The following OPN3 variants were observed in gnomAD, a reference collection of about 807,000 sequenced individuals.
OPN3 encodes the protein opsin 3, also known as opsin-3.
OPN3 carries 29 observed loss-of-function variants against 33.8 expected under a neutral mutation model. The observed-to-expected ratio is 0.86, with a 90% confidence interval of 0.64 to 1.17. OPN3 has a LOEUF of 1.17. Among genes scored for constraint, OPN3 ranks in the 50% most tolerant of loss-of-function variants. The pLI, the probability that OPN3 is intolerant of heterozygous loss-of-function variation, is 0.00. For missense variants in OPN3, 437 were observed against 514.1 expected (o/e 0.85, Z 1.45); for synonymous variants, 216 against 216.1 (o/e 1.00, Z 0.00).
rs756807943 is a variant in OPN3 at position 241,597,931 on chromosome 1, C to T, written c.760G>A (p.Ala254Thr). ...IKILKYEKKL[A>T]KMCFLMIFTF... ...AATATCATTAAAAAGCACATTTTGG[C>T]CAGTTTCTTTTCATATTTTAAAATC... Residue 254 changes from alanine (A) to threonine (T), a missense_variant, in exon 3 of 4, where the codon GCC becomes ACC. Ala to Thr is a moderately conservative substitution (Grantham distance 58). Transcript: ENST00000366554. The T allele has an allele frequency of 1.2e-6, 2 of 1,613,562 alleles. No individual in the cohort carries two copies. Among genetic ancestry groups the T allele is most frequent in the Non-Finnish European group, 8.5e-7 (1 of 1,179,900 alleles).
chr1:241,609,068 C>A (rs897824341), intron 1 of OPN3, among the ~76,000 whole-genome samples: 1 of 152,230 alleles, frequency 6.6e-6, no homozygotes, highest in Admixed American at 6.5e-5. Flanking sequence ...TGTCTTACAA[C>A]TACTTTAGAC....
At chr1:241,629,281 A>C (rs1386814560) in intron 1 of OPN3, 1 of 152,154 alleles carries the variant, frequency 6.6e-6, no homozygotes, top group Non-Finnish European at 1.5e-5. Flanking sequence ...TCAGTTATAA[A>C]GCCCTTTTTA....
In OPN3 at chr1:241,639,981, G is replaced by C; in HGVS notation, c.274C>G (p.Leu92Val). ...ACGAAGGTAAAGGTGACCCCGAAGA[G>C]GGACACCAGCAGGTCGCTGAGGCTG... Reference protein sequence around the residue: ...NISLSDLLVSLFGVTFTFVSC... With the variant: ...NISLSDLLVSVFGVTFTFVSC... The change falls in exon 1 of 4, where the codon CTC (leucine) becomes GTC (valine). Residue 92 changes from leucine to valine, a missense_variant. Leu to Val is a conservative substitution (Grantham distance 32). Coordinates refer to ENST00000366554, the MANE Select transcript of OPN3 (RefSeq NM_014322.3). 1 of 1,612,714 alleles carries C rather than the reference G, an allele frequency of 6.2e-7. No individual in the cohort carries two copies. The highest frequency in any genetic ancestry group is 1.1e-5 in the South Asian group (1 of 90,906).
intron 1 of OPN3, chr1:241,629,004 A>G (rs1664510416): frequency 6.6e-6 from 1 of 152,648 alleles, no homozygotes; most frequent in African/African-American, 2.4e-5. Flanking sequence ...ATGTATCAGT[A>G]AACACAATTT....
intron 1 of OPN3, among the ~76,000 whole-genome samples, chr1:241,612,605 T>A (rs969204692): frequency 1.3e-5 from 2 of 152,172 alleles, no homozygotes; most frequent in African/African-American, 4.8e-5. Flanking sequence ...CTCATAGCTG[T>A]TTGCCTCTTG....
At chr1:241,597,721 A>G (rs1242599745) in intron 3 of OPN3, 25 bp downstream of exon 3, 2 of 1,605,074 alleles carry the variant, frequency 1.2e-6, no homozygotes, top group African/African-American at 2.7e-5. Flanking sequence ...CAGGGTGAAA[A>G]CAATCAGTTA....
intron 2 of OPN3, among the ~76,000 whole-genome samples, chr1:241,602,578 C>T (rs1384802101): frequency 6.6e-6 from 1 of 152,160 alleles, no homozygotes; most frequent in South Asian, 2.1e-4. Context: ...TGACTGTTAT[C>T]TCACTGTGTG....
intron 1 of OPN3, among the ~76,000 whole-genome samples, chr1:241,628,114 A>T (rs896562691): frequency 6.6e-6 from 1 of 152,210 alleles, no homozygotes; most frequent in Non-Finnish European, 1.5e-5. Context: ...CCTGTTTTCA[A>T]CTGTGTAGTG....
At position 241,593,415 on chromosome 1, in the gene OPN3, A is replaced by G. The variant is rs1363245671; in HGVS notation, c.*1013T>C. The G allele has an allele frequency of 9.7e-6, 4 of 412,752 alleles. No homozygotes were observed. Among genetic ancestry groups the G allele is most frequent in the African/African-American group, 8.1e-5 (4 of 49,542 alleles). The allele number at this position is 412,752 out of a possible 1,614,324, so 25.6% of individuals were successfully genotyped here. A position where few individuals can be genotyped will look rare whatever the true frequency, so the allele number is the denominator to read the frequency against. On this transcript the variant is annotated 3_prime_UTR_variant, in exon 4 of 4. Coordinates refer to ENST00000366554, the MANE Select transcript of OPN3 (RefSeq NM_014322.3). ...AAACATGATTAATTATGAAGATGAAACACTAGAGTCATATAAGAAATAAAA... is the reference window on the plus strand; with the variant it reads ...AAACATGATTAATTATGAAGATGAAGCACTAGAGTCATATAAGAAATAAAA...
chr1:241,624,194 G>A (rs923128374), intron 1 of OPN3, among the ~76,000 whole-genome samples: 2 of 148,890 alleles, frequency 1.3e-5, no homozygotes, highest in African/African-American at 5.0e-5. Context: ...GCCAGGCCAG[G>A]CACTCTATGC....
rs578223672 is a variant in OPN3 at position 241,635,608 on chromosome 1, T to C, written c.373+4274A>G. 13 of 1,614,122 alleles carry C rather than the reference T, an allele frequency of 8.1e-6. 1 individual carries two copies. In the South Asian group the frequency reaches 1.4e-4, roughly 18 times the overall value. On this transcript the variant is annotated intron_variant, in intron 1 of 3. Coordinates refer to ENST00000366554, the MANE Select transcript of OPN3 (RefSeq NM_014322.3). ...ACTCCTTCAACCAGGATAGCAATCC[T>C]GAAAAGCTGAAACTAGCCCAGTTTC...
intron 1 of OPN3, among the ~76,000 whole-genome samples, chr1:241,624,238 GCCTCTCC>G (rs1664349443): frequency 8.2e-6 from 1 of 122,568 alleles, no homozygotes; most frequent in South Asian, 2.5e-4. Flanking sequence ...CACCTGTCCT[GCCTCTCC>G]ACGCCAGGCC....
intron 1 of OPN3, chr1:241,634,980 T>C (rs1335766096): frequency 1.2e-6 from 2 of 1,613,554 alleles, no homozygotes; most frequent in Non-Finnish European, 1.7e-6. Context: ...AGAATCCTAG[T>C]GACATTTTTA....
chr1:241,616,125 G>A (rs1664119701), intron 1 of OPN3, among the ~76,000 whole-genome samples: 1 of 152,160 alleles, frequency 6.6e-6, no homozygotes, highest in South Asian at 2.1e-4. Context: ...GGCCAACTCG[G>A]TGGTGCATCC....
At chr1:241,601,699 T>A (rs1252752974) in intron 2 of OPN3, among the ~76,000 whole-genome samples, 1 of 151,840 alleles carries the variant, frequency 6.6e-6, no homozygotes, top group Non-Finnish European at 1.5e-5. Context: ...AGAGTAAAAC[T>A]TCGTCTCAAA....
chr1:241,628,083 C>T (rs1213923533), intron 1 of OPN3, among the ~76,000 whole-genome samples: 2 of 152,158 alleles, frequency 1.3e-5, no homozygotes, highest in East Asian at 1.9e-4. Flanking sequence ...TTAAACGATT[C>T]GGCTTTTAAC....
At chr1:241,618,820 T>C (rs1434600894) in intron 1 of OPN3, among the ~76,000 whole-genome samples, 1 of 128,388 alleles carries the variant, frequency 7.8e-6, no homozygotes, top group African/African-American at 3.2e-5. Flanking sequence ...AAGGCTTTCT[T>C]CTTTTCTCAT....
In OPN3 at chr1:241,597,735, G is replaced by T. The variant is rs760934741; in HGVS notation, c.945+11C>A. 1 of 1,607,446 alleles carries T rather than the reference G, an allele frequency of 6.2e-7. No homozygotes were observed. On this transcript the variant is annotated intron_variant, in intron 3 of 3. Transcript: ENST00000366554. ...CCAGGGTGAAAACAATCAGTTAATTGCAAAGCTTACCTTTCTGATCATGAA... is the reference window on the plus strand; with the variant it reads ...CCAGGGTGAAAACAATCAGTTAATTTCAAAGCTTACCTTTCTGATCATGAA...
At chr1:241,612,535 A>T (rs1005619197) in intron 1 of OPN3, among the ~76,000 whole-genome samples, 1 of 152,124 alleles carries the variant, frequency 6.6e-6, no homozygotes, top group Non-Finnish European at 1.5e-5. Context: ...TGTAAAATAA[A>T]CCAAGCCTGT....
Sources: gnomAD v4.1 joint callset for allele counts (sites outside exome capture counted in the v4.1 genomes callset) on GRCh38, gnomAD v4.1.1 for gene constraint, MANE v1.5 for transcripts, NCBI Gene and HGNC (gene_info 2026-07-23, HGNC 2026-07-21) for gene names.